The following DBF4B variants were observed in gnomAD, a reference collection of about 807,000 sequenced individuals.
DBF4B encodes protein DBF4 homolog B.
DBF4B carries 49 observed loss-of-function variants against 53.4 expected under a neutral mutation model. That is an observed-to-expected ratio of 0.92 (90% CI 0.73 to 1.16). The LOEUF is 1.16. DBF4B is among the 50% of genes most tolerant of loss of function. The pLI is 0.00. For synonymous variants in DBF4B, 257 were observed against 288.7 expected (o/e 0.89, Z 1.11); for missense variants, 692 against 775.0 (o/e 0.89, Z 1.27).
At chr17:44,732,452 CA>C in intron 6 of DBF4B, 187 bp downstream of exon 6, 3 of 634,456 alleles carry the variant, frequency 4.7e-6, no homozygotes, top group Non-Finnish European at 8.2e-6. Context: ...ACGCAGAGTG[CA>C]GGCTGTGGCC....
At chr17:44,716,540 ATTC>A in intron 2 of DBF4B, among the ~76,000 whole-genome samples, 1 of 152,068 alleles carries the variant, frequency 6.6e-6, no homozygotes, top group East Asian at 1.9e-4. Context: ...GAGCCAAGTA[ATTC>A]TTTGTTTTCT....
intron 2 of DBF4B, among the ~76,000 whole-genome samples, chr17:44,713,271 G>A (rs1973054325): frequency 6.7e-6 from 1 of 149,804 alleles, no homozygotes; most frequent in Non-Finnish European, 1.5e-5. Context: ...TTCATCTCCT[G>A]ACCTCGTGAT....
At chr17:44,708,996 G>T in intron 1 of DBF4B, 157 bp downstream of exon 1, 1 of 1,043,162 alleles carries the variant, frequency 9.6e-7, no homozygotes, top group Non-Finnish European at 1.4e-6. Context: ...GGAGTTGAGG[G>T]GACCGAGGAA....
intron 2 of DBF4B, among the ~76,000 whole-genome samples, chr17:44,721,245 A>G (rs977236182): frequency 7.2e-5 from 9 of 124,140 alleles, no homozygotes; most frequent in African/African-American, 3.1e-4. Context: ...TTGCGACAGA[A>G]TCTCCCTCTG....
rs781017058 is a variant in DBF4B at position 44,722,909 on chromosome 17, A to G, written c.112A>G (p.Lys38Glu). ...TTCCAGGTGTCTAGGAAAATGCCAG[A>G]AGAACTCACCAGGTGCCAGGAAGCA... The part of the protein sequence containing the change: ...GVSRCLGKCQ[K>E]NSPGARKHPF... Residue 38 changes from lysine to glutamate, a missense_variant, in exon 3 of 14, where the codon AAG becomes GAG. Lys to Glu is a moderately conservative substitution (Grantham distance 56). Around this residue, in one of 3 missense-constraint regions of DBF4B, gnomAD observed 66 missense variants for 51.3 expected, o/e 1.29. Coordinates refer to ENST00000315005, the MANE Select transcript of DBF4B (RefSeq NM_145663.3). The G allele has an allele frequency of 1.2e-6, 2 of 1,614,188 alleles. No individual in the cohort carries two copies. The highest frequency in any genetic ancestry group is 1.3e-5 in the African/African-American group (1 of 75,062).
At position 44,749,048 on chromosome 17, in the gene DBF4B, C is replaced by T; in HGVS notation, c.1189+583C>T. The T allele has an allele frequency of 2.3e-6, 3 of 1,289,840 alleles. No individual in the cohort carries two copies. The highest frequency in any genetic ancestry group is 3.0e-6 in the Non-Finnish European group (3 of 988,858). The allele number at this position is 1,289,840 out of a possible 1,614,324, so 79.9% of individuals were successfully genotyped here. ...GCCACTGGCCCTGTATCCCAGGAGG[C>T]TGGCCAGCTCCTCAGCTGCCCCACA... is the stretch of plus-strand genomic sequence containing the variant. On this transcript the variant is annotated intron_variant, in intron 13 of 13. Transcript: ENST00000315005. The surrounding 1 kb of genome is among the most constrained non-coding windows in gnomAD (Gnocchi z 4.4).
At chr17:44,729,095 CAAAAAAA>C (rs1974593861) in intron 3 of DBF4B, among the ~76,000 whole-genome samples, 1 of 140,554 alleles carries the variant, frequency 7.1e-6, no homozygotes, top group Non-Finnish European at 1.6e-5. Context: ...GACCTTGTCT[CAAAAAAA>C]GAAAAGAAAA....
At chr17:44,743,017 G>T (rs6503401) in intron 10 of DBF4B, among the ~76,000 whole-genome samples, 1 of 151,976 alleles carries the variant, frequency 6.6e-6, no homozygotes, top group South Asian at 2.1e-4. Flanking sequence ...AGTACAAATA[G>T]GAGGGAAAAA....
intron 2 of DBF4B, among the ~76,000 whole-genome samples, chr17:44,721,560 T>C (rs1973848120): frequency 6.6e-6 from 1 of 152,124 alleles, no homozygotes; most frequent in Admixed American, 6.6e-5. Flanking sequence ...TATGTTTTCC[T>C]GTATCCTCCC....
chr17:44,736,189 G>T (rs188627489), intron 7 of DBF4B, among the ~76,000 whole-genome samples: 21 of 149,022 alleles, frequency 1.4e-4, no homozygotes, highest in African/African-American at 5.2e-4. Context: ...TTACTATGCT[G>T]CCCAGGCTGG....
chr17:44,725,306 TAAAC>T (rs1974210967), intron 3 of DBF4B, among the ~76,000 whole-genome samples: 1 of 151,982 alleles, frequency 6.6e-6, no homozygotes, highest in African/African-American at 2.4e-5. Flanking sequence ...AATGTTAAAA[TAAAC>T]AAACATATTA....
intron 2 of DBF4B, among the ~76,000 whole-genome samples, chr17:44,722,150 A>AG (rs1206333418): frequency 6.6e-6 from 1 of 151,930 alleles, no homozygotes; most frequent in Non-Finnish European, 1.5e-5. Context: ...GGAAAAAAAA[A>AG]AAAGGAAACG....
At chr17:44,736,895 T>C (rs1320275046) in intron 8 of DBF4B, 29 bp downstream of exon 8, 2 of 1,612,728 alleles carry the variant, frequency 1.2e-6, no homozygotes, top group East Asian at 2.2e-5. Context: ...CCTCATCTAA[T>C]TGCAATCCCT....
intron 6 of DBF4B, chr17:44,733,736 G>T (rs542229682): frequency 1.7e-4 from 36 of 217,466 alleles, no homozygotes; most frequent in African/African-American, 8.2e-4. Flanking sequence ...TCTTTCACCT[G>T]AGGGTACAGC....
Position 44,751,855 on chromosome 17 carries a change from T to C in DBF4B, c.*602T>C. ...TTTCCTCCTTGAAGCCTGGCTCCCT[T>C]GGTCGCAGCAGCCCCTCAGTGGCCT... On this transcript the variant is annotated 3_prime_UTR_variant, in exon 14 of 14. Coordinates refer to ENST00000315005, the MANE Select transcript of DBF4B (RefSeq NM_145663.3). The C allele has an allele frequency of 6.5e-7, 1 of 1,535,786 alleles. No homozygotes were observed.
chr17:44,746,693 C>T (rs1313160832), intron 10 of DBF4B, among the ~76,000 whole-genome samples: 2 of 151,932 alleles, frequency 1.3e-5, no homozygotes, highest in Admixed American at 1.3e-4. Flanking sequence ...GTGGCGGGCG[C>T]CTGTAATCCC....
At chr17:44,731,840 G>T (rs1191817416) in intron 5 of DBF4B, 2 of 243,168 alleles carry the variant, frequency 8.2e-6, no homozygotes, top group Non-Finnish European at 1.6e-5. Context: ...CACCGTGTTT[G>T]TTGTGTACTT....
In DBF4B at chr17:44,749,523, A is replaced by G; in HGVS notation, c.1189+1058A>G. On this transcript the variant is annotated intron_variant, in intron 13 of 13. Coordinates refer to ENST00000315005, the MANE Select transcript of DBF4B (RefSeq NM_145663.3). This position sits in a 1 kb window ranked among gnomAD's most constrained non-coding sequence, Gnocchi z 4.4. The stretch of plus-strand genomic sequence containing the variant: ...GCAAGCAGCTGTCACGCTCAGCTCC[A>G]TGGAGCTGACAGAGCCACCCCTCCC... 1.6e-6 allele frequency: 2 copies of G among 1,249,506 alleles called. No individual in the cohort carries two copies. The highest frequency in any genetic ancestry group is 2.7e-5 in the South Asian group (2 of 75,358). The allele number at this position is 1,249,506 out of a possible 1,614,324, so 77.4% of individuals were successfully genotyped here.
intron 3 of DBF4B, among the ~76,000 whole-genome samples, chr17:44,723,789 CA>C (rs1454251639): frequency 6.6e-6 from 1 of 151,626 alleles, no homozygotes; most frequent in Non-Finnish European, 1.5e-5. Flanking sequence ...AAATAACCTT[CA>C]AAAAATAAAG....
Sources: allele counts gnomAD v4.1 joint callset (sites outside exome capture counted in the v4.1 genomes callset), GRCh38; gene constraint gnomAD v4.1.1; regional missense constraint gnomAD v4.1.1; non-coding constraint Gnocchi (gnomAD v3.1); transcripts MANE v1.5; gene names NCBI Gene and HGNC (gene_info 2026-07-23, HGNC 2026-07-21).